Variants in PMFBP1 observed in about 807,000 individuals in gnomAD.
PMFBP1 encodes the protein polyamine modulated factor 1 binding protein 1.
A neutral mutation model predicts 137.8 loss-of-function variants in PMFBP1; 131 were observed. The observed-to-expected ratio is 0.95, with a 90% CI of 0.82 to 1.10. PMFBP1 has a LOEUF of 1.10. Among genes scored for constraint, PMFBP1 ranks in the 50% least tolerant of loss-of-function variants. The pLI is 0.00. For missense variants in PMFBP1, 1,199 were observed against 1,175.4 expected, an observed-to-expected ratio of 1.02 and a Z score of -0.29; for synonymous variants, 490 against 450.4, an observed-to-expected ratio of 1.09 and a Z score of -1.11.
the PMFBP1 span, among the ~76,000 whole-genome samples, chr16:72,186,623 A>T: frequency 5.3e-5 from 8 of 152,176 alleles, no homozygotes; most frequent in Non-Finnish European, 1.2e-4. Context: ...TGGGAGACCG[A>T]ATAGACAGAG....
At chr16:72,194,747 A>C in the PMFBP1 span, among the ~76,000 whole-genome samples, 1 of 152,212 alleles carries the variant, frequency 6.6e-6, no homozygotes, top group Non-Finnish European at 1.5e-5. Context: ...CATCCTTGAC[A>C]AAGAAGCTAA....
At chr16:72,216,723 G>C in the PMFBP1 span, among the ~76,000 whole-genome samples, 2 of 152,194 alleles carry the variant, frequency 1.3e-5, no homozygotes, top group East Asian at 3.8e-4. Flanking sequence ...ACTGCTTCCA[G>C]CAGAGCATAA....
chr16:72,231,868 T>C, the PMFBP1 span, among the ~76,000 whole-genome samples: 2 of 152,184 alleles, frequency 1.3e-5, no homozygotes, highest in Non-Finnish European at 2.9e-5. Flanking sequence ...TTATTAAAGA[T>C]AGGTGGGAAA....
chr16:72,249,310 G>A, the PMFBP1 span, among the ~76,000 whole-genome samples: 15 of 151,452 alleles, frequency 9.9e-5, no homozygotes, highest in African/African-American at 3.4e-4. Context: ...ATAAAAAATC[G>A]TGAAGCAGGC....
chr16:72,186,529 G>A, the PMFBP1 span, among the ~76,000 whole-genome samples: 1 of 152,076 alleles, frequency 6.6e-6, no homozygotes, highest in Non-Finnish European at 1.5e-5. Context: ...TTTATCTAGA[G>A]GCAACAGGGA....
chr16:72,201,413 A>T, the PMFBP1 span, among the ~76,000 whole-genome samples: 4 of 152,218 alleles, frequency 2.6e-5, no homozygotes, highest in African/African-American at 9.7e-5. Flanking sequence ...AACAGTTACT[A>T]TATCTCCAGT....
the PMFBP1 span, among the ~76,000 whole-genome samples, chr16:72,196,008 T>A: frequency 6.6e-6 from 1 of 151,770 alleles, no homozygotes; most frequent in South Asian, 2.1e-4. Flanking sequence ...TGTGTGTGTG[T>A]GTGTGTGTGT....
the PMFBP1 span, among the ~76,000 whole-genome samples, chr16:72,199,131 C>T: frequency 1.3e-5 from 2 of 152,172 alleles, no homozygotes; most frequent in East Asian, 1.9e-4. Flanking sequence ...TTGTTTCCAA[C>T]CCAAGGTCAC....
intron 2 of PMFBP1, 116 bp from the exon 3 acceptor site, chr16:72,165,032 T>A: frequency 9.5e-7 from 1 of 1,056,084 alleles, no homozygotes; most frequent in Non-Finnish European, 1.3e-6. Context: ...CCATCAACCA[T>A]TAGCTGTTAT....
At chr16:72,200,826 G>T in the PMFBP1 span, among the ~76,000 whole-genome samples, 2 of 152,210 alleles carry the variant, frequency 1.3e-5, no homozygotes, top group Non-Finnish European at 2.9e-5. Context: ...TAGAAAGGTT[G>T]GGGCTAGAAT....
At chr16:72,167,882 A>G (rs2043168049) in intron 2 of PMFBP1, among the ~76,000 whole-genome samples, 1 of 152,238 alleles carries the variant, frequency 6.6e-6, no homozygotes, top group Non-Finnish European at 1.5e-5. Flanking sequence ...AACGATACAC[A>G]CTTGAGTCTC....
chr16:72,165,161 C>A (rs1224703606), intron 2 of PMFBP1, among the ~76,000 whole-genome samples: 1 of 152,154 alleles, frequency 6.6e-6, no homozygotes, highest in Non-Finnish European at 1.5e-5. Flanking sequence ...TGGGGGTGCA[C>A]AACAGACAAT....
chr16:72,171,955 AT>A (rs2043226316), intron 1 of PMFBP1, 98 bp downstream of exon 1: 1 of 152,200 alleles, frequency 6.6e-6, no homozygotes, highest in Non-Finnish European at 1.5e-5. Flanking sequence ...TAAGTACAGG[AT>A]GATGCATTTG....
At chr16:72,143,468 C>A (rs186954483) in intron 5 of PMFBP1, among the ~76,000 whole-genome samples, 1 of 152,124 alleles carries the variant, frequency 6.6e-6, no homozygotes, top group African/African-American at 2.4e-5. Context: ...TTAGGCCGGG[C>A]GTGGTGGCTT....
chr16:72,215,979 T>A, the PMFBP1 span, among the ~76,000 whole-genome samples: 2 of 152,248 alleles, frequency 1.3e-5, no homozygotes, highest in Admixed American at 6.5e-5. Context: ...TCTTCCTTTC[T>A]CTTCTTTCTA....
At chr16:72,188,535 G>A in the PMFBP1 span, among the ~76,000 whole-genome samples, 1 of 152,178 alleles carries the variant, frequency 6.6e-6, no homozygotes, top group African/African-American at 2.4e-5. Flanking sequence ...TGTTTTATTG[G>A]ATTTTTCATG....
At chr16:72,124,741 G>T (rs1209442122) in intron 17 of PMFBP1, 26 bp downstream of exon 17, 1 of 1,605,644 alleles carries the variant, frequency 6.2e-7, no homozygotes, top group Non-Finnish European at 8.5e-7. Context: ...CTGAGAGGAG[G>T]CACGCAGAAG....
chr16:72,125,394 C>T lies in PMFBP1; in HGVS notation c.2265G>A (p.Val755=). The T allele has an allele frequency of 1.2e-6, 2 of 1,609,694 alleles. No individual in the cohort carries two copies. Among genetic ancestry groups the T allele is most frequent in the Non-Finnish European group, 1.7e-6 (2 of 1,178,930 alleles). Residue 755 remains valine (V), a synonymous_variant, in exon 16 of 21, where the codon GTG becomes GTA. Coordinates refer to ENST00000237353, the MANE Select transcript of PMFBP1 (RefSeq NM_031293.3). ...GCTGCAGGCTCTTTGTCTCTGAGGT[C>T]ACGTGATTGAGCTTCCGGAAAAGAC... The part of the protein sequence containing the change: ...LTQALEKLNH[V]TSETKSLQQS...
Position 72,128,733 on chromosome 16 carries a change from C to T in PMFBP1, c.2012G>A (p.Cys671Tyr). Residue 671 changes from cysteine (C) to tyrosine (Y), a missense_variant, in exon 14 of 21, where the codon TGT becomes TAT. Physicochemically the swap from Cys to Tyr is radical, Grantham distance 194. Coordinates refer to ENST00000237353, the MANE Select transcript of PMFBP1 (RefSeq NM_031293.3). ...AGAGGATTCCAGTTGTGTAGAACAA[C>T]ACTGTAGCTCTGCTCGGAGATTCTC... is the stretch of plus-strand genomic sequence containing the variant. ...ENENLRAELQ[C>Y]CSTQLESSLN... The T allele has an allele frequency of 6.2e-7, 1 of 1,614,156 alleles. No individual in the cohort carries two copies. The highest frequency in any genetic ancestry group is 8.5e-7 in the Non-Finnish European group (1 of 1,180,038).
Sources: gnomAD v4.1 joint callset for allele counts (sites outside exome capture counted in the v4.1 genomes callset) on GRCh38, gnomAD v4.1.1 for gene constraint, MANE v1.5 for transcripts, NCBI Gene and HGNC (gene_info 2026-07-23, HGNC 2026-07-21) for gene names.